The following CHSY1 variants were observed in gnomAD, a reference collection of about 807,000 sequenced individuals.
CHSY1 encodes N-acetylgalactosaminyl-proteoglycan 3-beta-glucuronosyltransferase 1.
In CHSY1, 13 loss-of-function variants were observed where a neutral mutation model predicts 59.8. The ratio of observed to expected loss-of-function variants is 0.22; its 90% CI spans 0.14 to 0.35. The LOEUF is 0.35. Ranked by LOEUF, CHSY1 falls within the 10% of genes least tolerant of loss-of-function variation. CHSY1 has a pLI of 1.00. For synonymous variants in CHSY1, 459 were observed against 401.2 expected, an observed-to-expected ratio of 1.14 and a Z score of -1.72; for missense variants, 947 against 1,030.6, an observed-to-expected ratio of 0.92 and a Z score of 1.11.
intron 2 of CHSY1, among the ~76,000 whole-genome samples, chr15:101,219,825 G>A (rs558535559): frequency 6.6e-6 from 1 of 152,298 alleles, no homozygotes; most frequent in Non-Finnish European, 1.5e-5. Context: ...GGAGTGCAAT[G>A]GCGTGATCTT....
chr15:101,245,844 G>A (rs936246713), intron 1 of CHSY1, among the ~76,000 whole-genome samples: 61 of 152,198 alleles, frequency 4.0e-4, no homozygotes, highest in African/African-American at 1.5e-3. Flanking sequence ...TTCACTTACA[G>A]GTTGATTATT....
At chr15:101,213,988 T>TA (rs2038706970) in intron 2 of CHSY1, among the ~76,000 whole-genome samples, 1 of 152,238 alleles carries the variant, frequency 6.6e-6, no homozygotes, top group East Asian at 1.9e-4. Context: ...CCTTCAACCT[T>TA]AAACAGATAG....
chr15:101,180,218 C>A (rs2038258233), intron 2 of CHSY1, among the ~76,000 whole-genome samples: 1 of 152,236 alleles, frequency 6.6e-6, no homozygotes, highest in Non-Finnish European at 1.5e-5. Flanking sequence ...AAACAGGGAG[C>A]TGGCATGCCT....
chr15:101,248,569 A>G (rs2039073655), intron 1 of CHSY1, among the ~76,000 whole-genome samples: 1 of 152,242 alleles, frequency 6.6e-6, no homozygotes, highest in African/African-American at 2.4e-5. Flanking sequence ...GTGTCAAAAG[A>G]AAGGGAGAAC....
At chr15:101,190,895 G>A (rs1404751384) in intron 2 of CHSY1, among the ~76,000 whole-genome samples, 2 of 152,196 alleles carry the variant, frequency 1.3e-5, no homozygotes, top group African/African-American at 4.8e-5. Flanking sequence ...GACACACCTA[G>A]TAGAAGGGCC....
chr15:101,224,811 A>G (rs1182216085), intron 2 of CHSY1, among the ~76,000 whole-genome samples: 1 of 152,238 alleles, frequency 6.6e-6, no homozygotes, highest in Non-Finnish European at 1.5e-5. Flanking sequence ...CACCAGATGC[A>G]GCTGCACCTC....
At chr15:101,248,533 CG>C in intron 1 of CHSY1, among the ~76,000 whole-genome samples, 1 of 152,230 alleles carries the variant, frequency 6.6e-6, no homozygotes, top group East Asian at 1.9e-4. Context: ...TCCTGGTAGG[CG>C]TTTTCCTTTC....
intron 1 of CHSY1, among the ~76,000 whole-genome samples, chr15:101,237,833 A>T (rs1276262188): frequency 6.6e-6 from 1 of 152,238 alleles, no homozygotes; most frequent in Non-Finnish European, 1.5e-5. Context: ...TAAAATAGTA[A>T]ATTTAATCTT....
intron 1 of CHSY1, among the ~76,000 whole-genome samples, chr15:101,237,222 T>TAAAAAAAA (rs56731913): frequency 8.7e-5 from 5 of 57,356 alleles, no homozygotes; most frequent in African/African-American, 2.9e-4. Context: ...AGACTCCATC[T>TAAAAAAAA]AAAAAAAAAA....
intron 1 of CHSY1, among the ~76,000 whole-genome samples, chr15:101,249,758 G>C (rs1199801370): frequency 6.6e-6 from 1 of 152,008 alleles, no homozygotes; most frequent in African/African-American, 2.4e-5. Flanking sequence ...CAGGCGATCC[G>C]CCCGCCTCGG....
rs1019528231 is a variant in CHSY1 at position 101,251,296 on chromosome 15, G to A, written c.161C>T (p.Ala54Val). The change falls in exon 1 of 3, where the codon GCG (alanine) becomes GTG (valine). Residue 54 changes from alanine to valine, a missense_variant. Physicochemically the swap from Ala to Val is moderately conservative, Grantham distance 64 (BLOSUM62 0). Coordinates refer to ENST00000254190, the MANE Select transcript of CHSY1 (RefSeq NM_014918.5). ...SPEGCRSGQA[A>V]ASQAGGARGD... ...GCGCGCCCCGCCGGCCTGGGAAGCCGCCGCCTGCCCGGACCGGCAGCCCTC... is the reference window on the plus strand; with the variant it reads ...GCGCGCCCCGCCGGCCTGGGAAGCCACCGCCTGCCCGGACCGGCAGCCCTC... 4.1e-6 allele frequency: 5 copies of A among 1,212,896 alleles called. No individual in the cohort carries two copies. Among genetic ancestry groups the A allele is most frequent in the Non-Finnish European group, 5.1e-6 (5 of 978,328 alleles). 75.1% of individuals were successfully genotyped at this position (1,212,896 alleles called of 1,614,324 possible).
At chr15:101,187,324 C>T (rs2038383840) in intron 2 of CHSY1, among the ~76,000 whole-genome samples, 2 of 152,098 alleles carry the variant, frequency 1.3e-5, no homozygotes, top group East Asian at 3.9e-4. Flanking sequence ...ATTAAAATTA[C>T]AAAAATTAGC....
chr15:101,190,446 C>T (rs1184977460), intron 2 of CHSY1, among the ~76,000 whole-genome samples: 1 of 152,104 alleles, frequency 6.6e-6, no homozygotes, highest in Non-Finnish European at 1.5e-5. Flanking sequence ...GAAGATGAAA[C>T]GAGACACAGA....
intron 2 of CHSY1, among the ~76,000 whole-genome samples, chr15:101,198,742 C>A (rs1386361284): frequency 6.6e-6 from 1 of 152,358 alleles, no homozygotes; most frequent in East Asian, 1.9e-4. Context: ...CTACGGCCCA[C>A]TGGCCAAAAT....
intron 2 of CHSY1, among the ~76,000 whole-genome samples, chr15:101,212,802 A>G (rs1366219068): frequency 2.0e-5 from 3 of 152,238 alleles, no homozygotes; most frequent in African/African-American, 7.2e-5. Flanking sequence ...AACTCTAGGT[A>G]ATAATAAACA....
chr15:101,212,295 C>A (rs934982445), intron 2 of CHSY1, among the ~76,000 whole-genome samples: 1 of 152,068 alleles, frequency 6.6e-6, no homozygotes, highest in Non-Finnish European at 1.5e-5. Flanking sequence ...ATCCTCTGAC[C>A]GAGCAATTCC....
chr15:101,242,969 A>C (rs2039017040), intron 1 of CHSY1, among the ~76,000 whole-genome samples: 1 of 152,228 alleles, frequency 6.6e-6, no homozygotes, highest in African/African-American at 2.4e-5. Flanking sequence ...AATTATTTTA[A>C]AAGAAAAACC....
intron 1 of CHSY1, among the ~76,000 whole-genome samples, chr15:101,243,548 C>T (rs1415374367): frequency 2.6e-5 from 4 of 152,202 alleles, no homozygotes; most frequent in Non-Finnish European, 5.9e-5. Flanking sequence ...TCCACACTGG[C>T]TTTCCATCCC....
rs1339187713 is a variant in CHSY1 at position 101,235,361 on chromosome 15, G to A, written c.537C>T (p.Asp179=). The part of the protein sequence containing the change: ...RADDDVYIKG[D]RLENFLRSLN... ...AACTCCTCAGGAAGTTCTCCAGACG[G>A]TCTCCTTTGATGTACACGTCATCAT... The change falls in exon 2 of 3, where the codon GAC becomes GAT. Residue 179 remains aspartate (D), a synonymous_variant. Transcript: ENST00000254190. The A allele has an allele frequency of 1.2e-6, 2 of 1,614,174 alleles. No homozygotes were observed. Among genetic ancestry groups the A allele is most frequent in the Non-Finnish European group, 1.7e-6 (2 of 1,180,018 alleles).
Sources: gnomAD v4.1 joint callset for allele counts (sites outside exome capture counted in the v4.1 genomes callset) on GRCh38, gnomAD v4.1.1 for gene constraint, MANE v1.5 for transcripts, NCBI Gene and HGNC (gene_info 2026-07-23, HGNC 2026-07-21) for gene names.